Variants in PLCG2 observed in about 807,000 individuals in gnomAD.
The protein encoded by PLCG2 is 1-phosphatidylinositol 4,5-bisphosphate phosphodiesterase gamma-2.
PLCG2 carries 69 observed loss-of-function variants against 175.6 expected under a neutral mutation model. That is an observed-to-expected ratio of 0.39 (90% CI 0.32 to 0.48). The LOEUF (loss-of-function observed/expected upper bound fraction) is 0.48, where lower values mean the gene tolerates loss of function less well. Among genes scored for constraint, PLCG2 ranks in the 20% least tolerant of loss-of-function variants. The pLI is 0.91. For missense variants in PLCG2, 1,798 were observed against 1,650.9 expected, an observed-to-expected ratio of 1.09 and a Z score of -1.54; for synonymous variants, 827 against 624.0, an observed-to-expected ratio of 1.33 and a Z score of -4.85.
chr16:81,801,057 C>T (rs188053526), intron 2 of PLCG2, among the ~76,000 whole-genome samples: 1 of 152,144 alleles, frequency 6.6e-6, no homozygotes, highest in African/African-American at 2.4e-5. Context: ...CCCAGTGATG[C>T]CTTGATTTTA....
At chr16:81,745,363 G>C (rs1909683798) in intron 1 of PLCG2, among the ~76,000 whole-genome samples, 1 of 152,122 alleles carries the variant, frequency 6.6e-6, no homozygotes, top group South Asian at 2.1e-4. Flanking sequence ...TATCCCTTAG[G>C]GTAGTCACTG....
At position 81,903,223 on chromosome 16, in the gene PLCG2, T is replaced by C. The variant is rs62044002; in HGVS notation, c.1363-2180T>C. The stretch of plus-strand genomic sequence containing the variant: ...AATAGGACACACAAGGGTGTGGTGG[T>C]GTCAACACGTGGCATGTACCCTATA... On this transcript the variant is annotated intron_variant, in intron 14 of 32. Coordinates refer to ENST00000564138, the MANE Select transcript of PLCG2 (RefSeq NM_002661.5). Among the ~76,000 whole-genome samples, 799 of 152,246 alleles carry C rather than the reference T, an allele frequency of 5.2e-3. 4 individuals carry two copies. Among genetic ancestry groups the C allele is most frequent in the Non-Finnish European group, 9.1e-3 (618 of 68,016 alleles).
At chr16:81,812,999 A>T (rs1338865716) in intron 2 of PLCG2, among the ~76,000 whole-genome samples, 1 of 151,960 alleles carries the variant, frequency 6.6e-6, no homozygotes, top group Non-Finnish European at 1.5e-5. Context: ...GTGTGATGTT[A>T]TTTCTGAGGT....
chr16:81,883,965 G>T (rs1446982040), intron 9 of PLCG2, among the ~76,000 whole-genome samples: 1 of 152,184 alleles, frequency 6.6e-6, no homozygotes, highest in African/African-American at 2.4e-5. Flanking sequence ...GTGTCACAGC[G>T]GGAGGCTGCT....
Position 81,900,768 on chromosome 16 carries a change from G to T in PLCG2, c.1350G>T (p.Lys450Asn). Residue 450 changes from lysine to asparagine, a missense_variant, in exon 14 of 33, where the codon AAG becomes AAT. By Grantham distance (94) the Lys-to-Asn change is moderately conservative (BLOSUM62 0). Transcript: ENST00000564138. ...CCTCGCCCAGCCAGCTGCGGGAGAA[G>T]ATCATCATCAAGGTAGGCACCCCGG... ...QLPSPSQLRE[K>N]IIIKHKKLGP... The T allele has an allele frequency of 6.2e-7, 1 of 1,600,108 alleles. No individual in the cohort carries two copies. The highest frequency in any genetic ancestry group is 8.6e-7 in the Non-Finnish European group (1 of 1,168,320).
At chr16:81,859,204 G>A (rs762220232) in intron 5 of PLCG2, 41 bp downstream of exon 5, 7 of 1,333,340 alleles carry the variant, frequency 5.2e-6, no homozygotes, top group Non-Finnish European at 7.6e-6. Flanking sequence ...TTTGGATTTC[G>A]ATCCTCATTC....
At chr16:81,874,945 T>G in intron 7 of PLCG2, among the ~76,000 whole-genome samples, 1 of 112,330 alleles carries the variant, frequency 8.9e-6, no homozygotes, top group African/African-American at 3.1e-5. Flanking sequence ...CACTATCCTA[T>G]GTGTTTTTTT....
At chr16:81,912,946 C>T (rs1165093841) in intron 19 of PLCG2, among the ~76,000 whole-genome samples, 1 of 152,260 alleles carries the variant, frequency 6.6e-6, no homozygotes, top group South Asian at 2.1e-4. Context: ...CTCACTTTGG[C>T]TTCCAGTAAC....
At chr16:81,913,722 A>C (rs759254739) in intron 19 of PLCG2, among the ~76,000 whole-genome samples, 2 of 152,218 alleles carry the variant, frequency 1.3e-5, no homozygotes, top group Admixed American at 6.5e-5. Flanking sequence ...TGCTGGCTGC[A>C]TGGCAGCTAC....
At chr16:81,876,016 CTTTTTTTTTTTT>C (rs547152035) in intron 7 of PLCG2, among the ~76,000 whole-genome samples, 3 of 114,994 alleles carry the variant, frequency 2.6e-5, no homozygotes, top group African/African-American at 9.5e-5. Flanking sequence ...CTTTTTCTTT[CTTTTTTTTTTTT>C]TTTTTTTTTG....
At chr16:81,888,383 AG>A (rs202110243) in intron 9 of PLCG2, among the ~76,000 whole-genome samples, 170 of 124,728 alleles carry the variant, frequency 1.4e-3, no homozygotes, top group Middle Eastern at 4.3e-3. Flanking sequence ...GCTGATTTAA[AG>A]AAAAAAAAAA....
At chr16:81,742,833 C>G (rs1909624580) in intron 1 of PLCG2, among the ~76,000 whole-genome samples, 2 of 152,236 alleles carry the variant, frequency 1.3e-5, no homozygotes, top group Non-Finnish European at 2.9e-5. Flanking sequence ...CACAGGGCCC[C>G]TCGTCCTCCC....
intron 17 of PLCG2, 28 bp downstream of exon 17, chr16:81,908,619 AC>A: frequency 6.3e-7 from 1 of 1,577,026 alleles, no homozygotes; most frequent in Admixed American, 1.7e-5. Flanking sequence ...GGGAACGCCT[AC>A]CTTCTTCTCC....
At chr16:81,846,740 T>A (rs74029254) in intron 2 of PLCG2, among the ~76,000 whole-genome samples, 1,695 of 152,180 alleles carry the variant, frequency 0.011, 34 homozygotes, top group African/African-American at 0.04. Context: ...CCAACCAAAA[T>A]CTAATAGAGA....
intron 30 of PLCG2, among the ~76,000 whole-genome samples, chr16:81,944,730 C>T (rs904645098): frequency 1.3e-5 from 2 of 152,108 alleles, no homozygotes; most frequent in African/African-American, 4.8e-5. Flanking sequence ...CCTGCCTTGC[C>T]CTCCCCAAGT....
chr16:81,785,004 G>C (rs1377234237), intron 1 of PLCG2, among the ~76,000 whole-genome samples: 1 of 152,186 alleles, frequency 6.6e-6, no homozygotes, highest in African/African-American at 2.4e-5. Flanking sequence ...GTTCTAAAAG[G>C]ATCCTTCTGG....
At chr16:81,782,259 A>G (rs1370168874) in intron 1 of PLCG2, among the ~76,000 whole-genome samples, 2 of 152,218 alleles carry the variant, frequency 1.3e-5, no homozygotes, top group South Asian at 2.1e-4. Flanking sequence ...TTAGAAGGAC[A>G]TGAAATGTAA....
intron 2 of PLCG2, among the ~76,000 whole-genome samples, chr16:81,808,425 C>T (rs1389188591): frequency 1.3e-5 from 2 of 152,178 alleles, no homozygotes; most frequent in African/African-American, 4.8e-5. Context: ...CTGTGTGGCC[C>T]CAAGCCCACA....
At chr16:81,793,429 G>C (rs1244126855) in intron 2 of PLCG2, among the ~76,000 whole-genome samples, 1 of 152,194 alleles carries the variant, frequency 6.6e-6, no homozygotes, top group African/African-American at 2.4e-5. Context: ...CTCAGGAGCC[G>C]ATGTGGTGCC....
Sources: gnomAD v4.1 joint callset for allele counts (sites outside exome capture counted in the v4.1 genomes callset) on GRCh38, gnomAD v4.1.1 for gene constraint, MANE v1.5 for transcripts, NCBI Gene and HGNC (gene_info 2026-07-23, HGNC 2026-07-21) for gene names.